Variants in NTNG1 observed in about 807,000 individuals in gnomAD.
NTNG1 encodes netrin G1.
A neutral mutation model predicts 54.0 loss-of-function variants in NTNG1; 16 were observed. The observed-to-expected ratio is 0.30, with a 90% CI of 0.20 to 0.45. NTNG1 has a LOEUF of 0.45. Ranked by LOEUF, NTNG1 falls within the 20% of genes least tolerant of loss-of-function variation. The pLI is 1.00. For synonymous variants in NTNG1, 255 were observed against 263.1 expected (o/e 0.97, Z 0.30); for missense variants, 530 against 678.7 (o/e 0.78, Z 2.43).
At chr1:107,227,677 C>CAG (rs1660780618) in intron 2 of NTNG1, among the ~76,000 whole-genome samples, 1 of 140,634 alleles carries the variant, frequency 7.1e-6, no homozygotes, top group Admixed American at 6.8e-5. Flanking sequence ...CTCTCTCTCT[C>CAG]TCTCTCTCTC....
rs1441886413 is a variant in NTNG1, at chr1:107,343,813, G to A, written c.887+18891G>A. Among the ~76,000 whole-genome samples, 5 of 152,074 alleles carry A rather than the reference G, an allele frequency of 3.3e-5. No individual in the cohort carries two copies. In the East Asian group the frequency reaches 7.7e-4, roughly 23 times the overall value. The stretch of plus-strand genomic sequence containing the variant: ...TCGTGAAAAAAGGAGCCTCCTGAAG[G>A]CTGCGTGCATTTGATGACTCCATTT... On this transcript the variant is annotated intron_variant, in intron 3 of 7. Transcript: ENST00000370068.
At chr1:107,472,683 G>GCCAGACCAGACCAGA (rs3064154) in intron 7 of NTNG1, among the ~76,000 whole-genome samples, 1 of 151,636 alleles carries the variant, frequency 6.6e-6, no homozygotes, top group Non-Finnish European at 1.5e-5. Flanking sequence ...ACCCCTCATG[G>GCCAGACCAGACCAGA]CCAGACCAGA....
chr1:107,206,864 C>T (rs530450683), intron 2 of NTNG1, among the ~76,000 whole-genome samples: 16 of 152,046 alleles, frequency 1.1e-4, no homozygotes, highest in Non-Finnish European at 1.9e-4. Context: ...TGGTTTTGAA[C>T]GAGCCCGCCT....
intron 2 of NTNG1, among the ~76,000 whole-genome samples, chr1:107,249,354 T>A (rs1034974749): frequency 1.4e-4 from 21 of 151,094 alleles, no homozygotes; most frequent in African/African-American, 5.1e-4. Context: ...TAGTGGCGCA[T>A]GCCTGTAATC....
intron 3 of NTNG1, among the ~76,000 whole-genome samples, chr1:107,333,245 C>A (rs986982730): frequency 6.6e-6 from 1 of 152,030 alleles, no homozygotes; most frequent in African/African-American, 2.4e-5. Flanking sequence ...GAAATAGATT[C>A]TCACTCTGGT....
At chr1:107,417,002 C>G (rs998569195) in intron 5 of NTNG1, among the ~76,000 whole-genome samples, 3 of 152,038 alleles carry the variant, frequency 2.0e-5, no homozygotes, top group Admixed American at 6.6e-5. Flanking sequence ...TTAATTTCCT[C>G]AAAACACAAA....
intron 3 of NTNG1, among the ~76,000 whole-genome samples, chr1:107,387,067 G>T (rs902166389): frequency 1.3e-5 from 2 of 152,126 alleles, no homozygotes; most frequent in African/African-American, 2.4e-5. Flanking sequence ...TATCTATTCA[G>T]ATTCTTCACC....
intron 2 of NTNG1, among the ~76,000 whole-genome samples, chr1:107,316,256 A>G (rs1385769243): frequency 2.0e-5 from 3 of 152,234 alleles, no homozygotes; most frequent in African/African-American, 4.8e-5. Context: ...TCTTCTACCT[A>G]GAAGTGCTGA....
chr1:107,329,009 T>C (rs1668118181), intron 3 of NTNG1: 1 of 152,140 alleles, frequency 6.6e-6, no homozygotes, highest in African/African-American at 2.4e-5. Context: ...CTGAAGGTAA[T>C]TATCGGTCAT....
In NTNG1 at chr1:107,483,397, T is replaced by C. The variant is rs758773616; in HGVS notation, c.*2557T>C. 1 of 152,246 alleles carries C rather than the reference T, an allele frequency of 6.6e-6. No homozygotes were observed. The highest frequency in any genetic ancestry group is 1.5e-5 in the Non-Finnish European group (1 of 68,046). The allele number at this position is 152,246 out of a possible 1,614,324, so 9.4% of individuals were successfully genotyped here. A position where few individuals can be genotyped will look rare whatever the true frequency, so the allele number is the denominator to read the frequency against. On this transcript the variant is annotated 3_prime_UTR_variant, in exon 8 of 8. Coordinates refer to ENST00000370068, the MANE Select transcript of NTNG1 (RefSeq NM_001113226.3). ...ATATCTTTCATTCCGTGTATTTAGA[T>C]ATAGTTTTCTGAATTTCCTGAAGCG...
At chr1:107,232,386 A>G (rs1438712322) in intron 2 of NTNG1, among the ~76,000 whole-genome samples, 2 of 152,224 alleles carry the variant, frequency 1.3e-5, no homozygotes, top group African/African-American at 4.8e-5. Context: ...TGGAAACCAG[A>G]AACTCTGGGT....
intron 2 of NTNG1, among the ~76,000 whole-genome samples, chr1:107,256,678 G>C (rs1358072052): frequency 6.6e-6 from 1 of 152,198 alleles, no homozygotes; most frequent in Admixed American, 6.5e-5. Context: ...CCTTGCTCCA[G>C]TAGTTCCATG....
intron 2 of NTNG1, among the ~76,000 whole-genome samples, chr1:107,216,548 C>T (rs1659970395): frequency 6.6e-6 from 1 of 152,066 alleles, no homozygotes; most frequent in Non-Finnish European, 1.5e-5. Flanking sequence ...ATTTGGTTAG[C>T]TAGTATTTTG....
chr1:107,294,054 G>GCAGA lies in NTNG1; in HGVS notation c.247-30227_247-30224dup, dbSNP rs201135171. 4.7e-4 allele frequency among the ~76,000 whole-genome samples: 71 copies of GCAGA among 152,286 alleles called. No homozygotes were observed. In the East Asian group the frequency reaches 0.013, roughly 27 times the overall value. ...AGTAGCCAGGAGCTGGACAACCAGG[G>GCAGA]CAGAGCCTCTGTCAGCCAGCACCAT... On this transcript the variant is annotated intron_variant, in intron 2 of 7. Coordinates refer to ENST00000370068, the MANE Select transcript of NTNG1 (RefSeq NM_001113226.3).
chr1:107,398,285 T>C (rs1368206363), intron 4 of NTNG1, among the ~76,000 whole-genome samples: 1 of 151,648 alleles, frequency 6.6e-6, no homozygotes, highest in Non-Finnish European at 1.5e-5. Flanking sequence ...ACTTAAAGTA[T>C]AATAAAAAAA....
chr1:107,310,345 C>T (rs902360873), intron 2 of NTNG1, among the ~76,000 whole-genome samples: 5 of 152,118 alleles, frequency 3.3e-5, no homozygotes, highest in African/African-American at 1.2e-4. Flanking sequence ...TCAATCTTGT[C>T]TTGCTAGTAT....
rs372603693 is a variant in NTNG1, at chr1:107,480,773, C to G, written c.1553C>G (p.Pro518Arg). The change falls in exon 8 of 8, where the codon CCG becomes CGG. Residue 518 changes from proline (P) to arginine (R), a missense_variant. This residue lies in a region of NTNG1 where 212 missense variants were observed against 213.6 expected (regional missense o/e 0.99). Transcript: ENST00000370068. ...CGSDSGQGAPPHGSPALLLLT... is the reference protein window; with the variant it reads ...CGSDSGQGAPRHGSPALLLLT... ...TCCGACTCTGGCCAGGGCGCGCCCC[C>G]GCACGGCTCCCCAGCGCTGCTGCTG... 12 of 1,601,820 alleles carry G rather than the reference C, an allele frequency of 7.5e-6. No individual in the cohort carries two copies. The highest frequency in any genetic ancestry group is 1.0e-5 in the Non-Finnish European group (12 of 1,175,682).
At chr1:107,214,141 A>C (rs1405424181) in intron 2 of NTNG1, among the ~76,000 whole-genome samples, 1 of 151,770 alleles carries the variant, frequency 6.6e-6, no homozygotes, top group African/African-American at 2.4e-5. Context: ...TTTTATTTCA[A>C]GATTTTTGGT....
chr1:107,452,716 A>C (rs1359938), intron 7 of NTNG1, among the ~76,000 whole-genome samples: 37,477 of 152,116 alleles, frequency 0.25, 4,715 homozygotes, highest in Middle Eastern at 0.33. Context: ...TTCCCCTTTG[A>C]CCTTCTCTGC....
Sources: allele counts gnomAD v4.1 joint callset (sites outside exome capture counted in the v4.1 genomes callset), GRCh38; gene constraint gnomAD v4.1.1; regional missense constraint gnomAD v4.1.1; transcripts MANE v1.5; gene names NCBI Gene and HGNC (gene_info 2026-07-23, HGNC 2026-07-21).